UBAP2: variants seen among roughly 807,000 people sequenced by gnomAD.
UBAP2 encodes ubiquitin associated protein 2.
In UBAP2, 75 loss-of-function variants were observed where a neutral mutation model predicts 139.6. The observed-to-expected ratio is 0.54, with a 90% CI of 0.45 to 0.65. UBAP2 has a LOEUF of 0.65. Among genes scored for constraint, UBAP2 ranks in the 30% least tolerant of loss-of-function variants. The probability of loss-of-function intolerance (pLI) is 0.00; values close to 1 mark genes in which losing one functional copy is unlikely to be tolerated. For synonymous variants in UBAP2, 526 were observed against 526.2 expected (o/e 1.00, Z 0.01); for missense variants, 1,368 against 1,369.6 (o/e 1.00, Z 0.02).
In UBAP2 at chr9:33,953,212, G is replaced by A. The variant is rs141988878; in HGVS notation, c.1056+73C>T. ...TATTTAGAAAGTAATTATAAAGCATGTATCATATTCTAGAATACATTTGCT... is the reference window on the plus strand; with the variant it reads ...TATTTAGAAAGTAATTATAAAGCATATATCATATTCTAGAATACATTTGCT... On this transcript the variant is annotated intron_variant, in intron 12 of 28. Coordinates refer to ENST00000379238, the MANE Select transcript of UBAP2 (RefSeq NM_001370062.2). The A allele has an allele frequency of 5.1e-5, 68 of 1,344,346 alleles. 2 individuals carry two copies. The East Asian group carries it at 1.6e-3, about 31-fold the overall frequency. 83.3% of individuals were successfully genotyped at this position (1,344,346 alleles called of 1,614,324 possible).
chr9:34,046,537 G>A (rs1827599768), intron 1 of UBAP2, among the ~76,000 whole-genome samples: 2 of 151,154 alleles, frequency 1.3e-5, no homozygotes, highest in South Asian at 4.2e-4. Context: ...CCAGCTACTC[G>A]GGAGGCTGAG....
At chr9:33,970,398 T>C (rs746406130) in intron 8 of UBAP2, among the ~76,000 whole-genome samples, 1 of 152,018 alleles carries the variant, frequency 6.6e-6, no homozygotes, top group African/African-American at 2.4e-5. Flanking sequence ...CTCTTATTTT[T>C]TGGCTAGGGT....
intron 11 of UBAP2, 101 bp downstream of exon 11, chr9:33,955,978 G>T: frequency 2.2e-6 from 2 of 897,620 alleles, no homozygotes; most frequent in Non-Finnish European, 3.5e-6. Flanking sequence ...GATAAAAAGG[G>T]AAAAAATAGA....
rs537263363 is a variant in UBAP2 at position 34,037,642 on chromosome 9, G to C, written c.-42+11183C>G. 3.0e-4 allele frequency among the ~76,000 whole-genome samples: 46 copies of C among 152,240 alleles called. 1 individual carries two copies. The highest frequency in any genetic ancestry group is 1.0e-3 in the African/African-American group (43 of 41,538). ...CATTGATGAAAATTACCTGAACTAA[G>C]TAACAGCAGTAGTTATTTCTTGCTT... On this transcript the variant is annotated intron_variant, in intron 1 of 28. Transcript: ENST00000379238.
intron 1 of UBAP2, among the ~76,000 whole-genome samples, chr9:34,027,342 G>A (rs1197865931): frequency 2.6e-5 from 4 of 152,064 alleles, no homozygotes; most frequent in African/African-American, 9.7e-5. Flanking sequence ...TAAGCCAGGT[G>A]TGGTGGCGCA....
chr9:33,969,709 C>T (rs1026610939), intron 8 of UBAP2, among the ~76,000 whole-genome samples: 11 of 148,992 alleles, frequency 7.4e-5, no homozygotes, highest in African/African-American at 2.2e-4. Flanking sequence ...ACTAAAAATA[C>T]GAAAAAGTTA....
At chr9:33,991,230 G>A (rs1406404808) in intron 4 of UBAP2, among the ~76,000 whole-genome samples, 1 of 152,186 alleles carries the variant, frequency 6.6e-6, no homozygotes, top group Non-Finnish European at 1.5e-5. Context: ...GAACCTGGGA[G>A]GTGGAGGTTG....
intron 23 of UBAP2, 103 bp from the exon 24 acceptor site, chr9:33,924,103 G>A: frequency 1.3e-6 from 2 of 1,583,536 alleles, no homozygotes; most frequent in Non-Finnish European, 1.7e-6. Flanking sequence ...GCTCAGCACA[G>A]GCTACTAAGA....
At chr9:33,947,588 G>A (rs369729657) in intron 13 of UBAP2, among the ~76,000 whole-genome samples, 3 of 152,188 alleles carry the variant, frequency 2.0e-5, no homozygotes, top group East Asian at 1.9e-4. Context: ...TTTGGAGGCC[G>A]AGGTGGGCAG....
chr9:33,965,966 C>T (rs1348389204), intron 8 of UBAP2, among the ~76,000 whole-genome samples: 1 of 151,388 alleles, frequency 6.6e-6, no homozygotes, highest in Non-Finnish European at 1.5e-5. Flanking sequence ...AGGAGAATGG[C>T]GTGAACCCGG....
At chr9:33,982,561 T>C (rs944519942) in intron 6 of UBAP2, among the ~76,000 whole-genome samples, 4 of 152,212 alleles carry the variant, frequency 2.6e-5, no homozygotes, top group African/African-American at 9.7e-5. Context: ...ATTGTTTGCA[T>C]TCTGTTCCTA....
chr9:33,952,958 C>T (rs1466376729), intron 12 of UBAP2: 1 of 177,300 alleles, frequency 5.6e-6, no homozygotes, highest in African/African-American at 2.4e-5. Context: ...CAACCTCAAA[C>T]TCCTGGGCAC....
intron 13 of UBAP2, among the ~76,000 whole-genome samples, chr9:33,945,463 G>A (rs1825586575): frequency 6.6e-6 from 1 of 151,232 alleles, no homozygotes; most frequent in Non-Finnish European, 1.5e-5. Flanking sequence ...TGGCGCCACT[G>A]CACTCCAGCC....
At chr9:34,003,911 G>A (rs956086076) in intron 2 of UBAP2, among the ~76,000 whole-genome samples, 18 of 151,694 alleles carry the variant, frequency 1.2e-4, no homozygotes, top group Admixed American at 6.6e-5. Flanking sequence ...GTAGAGACAG[G>A]GTTTCATCAT....
intron 15 of UBAP2, among the ~76,000 whole-genome samples, chr9:33,942,065 G>A (rs56150332): frequency 0.079 from 12,041 of 152,182 alleles, 682 homozygotes; most frequent in Non-Finnish European, 0.12. Context: ...TGTAATCCCA[G>A]CACTTTGAGA....
intron 2 of UBAP2, among the ~76,000 whole-genome samples, chr9:34,005,634 A>AT (rs1823139592): frequency 1.4e-5 from 2 of 139,486 alleles, no homozygotes; most frequent in Non-Finnish European, 3.1e-5. Flanking sequence ...AACTGGGGAA[A>AT]TTTTTTTCCT....
rs548787428 is a variant in UBAP2 at position 33,932,648 on chromosome 9, GC to G, written c.2109-21del. ...AGCGAACTAGAAGACAAAACAGAGCGCCGTATGTCCACCTGAACAAGTGACT... is the reference window on the plus strand; with the variant it reads ...AGCGAACTAGAAGACAAAACAGAGCGCGTATGTCCACCTGAACAAGTGACT... On this transcript the variant is annotated intron_variant, in intron 18 of 28. Coordinates refer to ENST00000379238, the MANE Select transcript of UBAP2 (RefSeq NM_001370062.2). 1.6e-3 allele frequency: 2,625 copies of G among 1,613,172 alleles called. 3 individuals carry two copies. The highest frequency in any genetic ancestry group is 1.9e-3 in the Non-Finnish European group (2,267 of 1,179,734).
In UBAP2 at chr9:33,922,063, G is replaced by T. The variant is rs1488553589; in HGVS notation, c.*441C>A. The T allele has an allele frequency of 6.2e-6, 1 of 160,498 alleles. No homozygotes were observed. The highest frequency in any genetic ancestry group is 1.4e-5 in the Non-Finnish European group (1 of 73,918). The allele number at this position is 160,498 out of a possible 1,614,324, so 9.9% of individuals were successfully genotyped here. A position where few individuals can be genotyped will look rare whatever the true frequency, so the allele number is the denominator to read the frequency against. On this transcript the variant is annotated 3_prime_UTR_variant, in exon 29 of 29. Transcript: ENST00000379238. ...AGGTATGAAGTAATTACACAGGAAA[G>T]AAAACAATTTCCAAAGGAGTGAGAC...
rs576260496 is a variant in UBAP2 at position 34,039,897 on chromosome 9, G to A, written c.-42+8928C>T. Among the ~76,000 whole-genome samples, 7 of 145,992 alleles carry A rather than the reference G, an allele frequency of 4.8e-5. No individual in the cohort carries two copies. In the South Asian group the frequency reaches 8.7e-4, roughly 18 times the overall value. Reference sequence around the variant, plus strand: ...ATACAAGCCGCACACGGTGGCTCACGTCTGTAATCCCAGCACTTTGGGAGG... The same window carrying A: ...ATACAAGCCGCACACGGTGGCTCACATCTGTAATCCCAGCACTTTGGGAGG... On this transcript the variant is annotated intron_variant, in intron 1 of 28. Coordinates refer to ENST00000379238, the MANE Select transcript of UBAP2 (RefSeq NM_001370062.2).
Sources: allele counts gnomAD v4.1 joint callset (sites outside exome capture counted in the v4.1 genomes callset), GRCh38; gene constraint gnomAD v4.1.1; transcripts MANE v1.5; gene names NCBI Gene and HGNC (gene_info 2026-07-23, HGNC 2026-07-21).